The following RANGAP1 variants were observed in gnomAD, a reference collection of about 807,000 sequenced individuals.
RANGAP1 encodes ran GTPase-activating protein 1.
In RANGAP1, 38 loss-of-function variants were observed where a neutral mutation model predicts 63.5. The ratio of observed to expected loss-of-function variants is 0.60; its 90% CI spans 0.46 to 0.78. The LOEUF (loss-of-function observed/expected upper bound fraction) is 0.78, where lower values mean the gene tolerates loss of function less well. Among genes scored for constraint, RANGAP1 ranks in the 30% least tolerant of loss-of-function variants. The probability of loss-of-function intolerance (pLI) is 0.00; values close to 1 mark genes in which losing one functional copy is unlikely to be tolerated. For missense variants in RANGAP1, 630 were observed against 740.3 expected (o/e 0.85, Z 1.73); for synonymous variants, 329 against 310.5 (o/e 1.06, Z -0.63).
chr22:41,269,977 G>T (rs1458386679), intron 3 of RANGAP1, among the ~76,000 whole-genome samples: 1 of 152,012 alleles, frequency 6.6e-6, no homozygotes, highest in Non-Finnish European at 1.5e-5. Context: ...GGGATTACAG[G>T]TGCCCGCTAC....
At chr22:41,263,926 G>A (rs983692584) in intron 5 of RANGAP1, among the ~76,000 whole-genome samples, 1 of 152,258 alleles carries the variant, frequency 6.6e-6, no homozygotes, top group South Asian at 2.1e-4. Flanking sequence ...GAGTCATGTG[G>A]AAAAACTGGG....
chr22:41,294,464 C>A, the RANGAP1 span, among the ~76,000 whole-genome samples: 2 of 151,414 alleles, frequency 1.3e-5, no homozygotes, highest in East Asian at 1.9e-4. Flanking sequence ...AGCCTCTGCC[C>A]GGCCGCCACC....
intron 15 of RANGAP1, 64 bp downstream of exon 15, chr22:41,249,266 C>A: frequency 6.6e-7 from 1 of 1,525,760 alleles, no homozygotes; most frequent in Non-Finnish European, 8.8e-7. Context: ...AACCGGGCGC[C>A]TTCAGACCTG....
chr22:41,258,126 A>T lies in RANGAP1; in HGVS notation c.616-20T>A. ...GATGACCTGTGAAGAGGAGGCAGAG[A>T]GTGGAGGGGGCCCCGAGTGCCAGGT... On this transcript the variant is annotated intron_variant, in intron 6 of 15. Coordinates refer to ENST00000356244, the MANE Select transcript of RANGAP1 (RefSeq NM_002883.4). 1.3e-6 allele frequency: 2 copies of T among 1,577,174 alleles called. No individual in the cohort carries two copies. Among genetic ancestry groups the T allele is most frequent in the Non-Finnish European group, 1.7e-6 (2 of 1,157,590 alleles).
chr22:41,285,576 G>A, intron 1 of RANGAP1: 1 of 985,440 alleles, frequency 1.0e-6, no homozygotes, highest in Non-Finnish European at 1.2e-6. Context: ...CCAGCCCGGG[G>A]CCCCCGCGGG....
intron 1 of RANGAP1, 93 bp from the exon 2 acceptor site, chr22:41,281,175 C>T: frequency 1.5e-6 from 2 of 1,296,242 alleles, no homozygotes; most frequent in South Asian, 1.5e-5. Context: ...GGAGTCTGAC[C>T]CTACCTCCCC....
At chr22:41,295,238 C>T in the RANGAP1 span, among the ~76,000 whole-genome samples, 2 of 151,240 alleles carry the variant, frequency 1.3e-5, no homozygotes, top group African/African-American at 2.4e-5. Context: ...ATGACAATGG[C>T]GGCTTTGTGG....
intron 4 of RANGAP1, among the ~76,000 whole-genome samples, chr22:41,265,081 G>T (rs2034390419): frequency 6.6e-6 from 1 of 152,254 alleles, no homozygotes. Flanking sequence ...GTAAGAGGTG[G>T]CATTTGGACT....
upstream of RANGAP1, among the ~76,000 whole-genome samples, chr22:41,287,883 G>C (rs1476303489): frequency 6.6e-6 from 1 of 152,062 alleles, no homozygotes; most frequent in African/African-American, 2.4e-5. Context: ...CTACTCGGGA[G>C]GCTGAGGCAG....
At position 41,274,675 on chromosome 22, in the gene RANGAP1, A is replaced by G. The variant is rs1221036891; in HGVS notation, c.165T>C (p.Arg55=). 1.1e-5 allele frequency: 17 copies of G among 1,614,086 alleles called. No homozygotes were observed. Among genetic ancestry groups the G allele is most frequent in the Non-Finnish European group, 1.4e-5 (17 of 1,180,042 alleles). The part of the protein sequence containing the change: ...IEDFDSLEAL[R]LEGNTVGVEA... ...CCACGCCCACTGTGTTGCCTTCCAG[A>G]CGCAGAGCCTCCAAGCTGTCAAAGT... Residue 55 remains arginine, a synonymous_variant, in exon 3 of 16, where the codon CGT becomes CGC. Transcript: ENST00000356244.
chr22:41,256,900 C>G, intron 7 of RANGAP1, 76 bp from the exon 8 acceptor site: 3 of 1,113,998 alleles, frequency 2.7e-6, no homozygotes, highest in Non-Finnish European at 1.3e-6. Flanking sequence ...GGGGGCCCCA[C>G]ACGGTCACAT....
At position 41,274,682 on chromosome 22, in the gene RANGAP1, G is replaced by C; in HGVS notation, c.158C>G (p.Ala53Gly). 2 of 1,614,172 alleles carry C rather than the reference G, an allele frequency of 1.2e-6. No individual in the cohort carries two copies. The highest frequency in any genetic ancestry group is 3.3e-5 in the Admixed American group (2 of 60,026). The change falls in exon 3 of 16, where the codon GCT becomes GGT. Residue 53 changes from alanine (A) to glycine (G), a missense_variant. This residue lies in a region of RANGAP1 where 65 missense variants were observed against 60.5 expected (regional missense o/e 1.07). Transcript: ENST00000356244. ...KEIEDFDSLE[A>G]LRLEGNTVGV... ...CACTGTGTTGCCTTCCAGACGCAGAGCCTCCAAGCTGTCAAAGTCTTCAAT... is the reference window on the plus strand; with the variant it reads ...CACTGTGTTGCCTTCCAGACGCAGACCCTCCAAGCTGTCAAAGTCTTCAAT...
chr22:41,296,662 A>AAC, the RANGAP1 span, among the ~76,000 whole-genome samples: 4 of 151,936 alleles, frequency 2.6e-5, no homozygotes, highest in African/African-American at 7.3e-5. Context: ...AAAAAAAAAA[A>AAC]ACACACACAC....
chr22:41,264,331 T>C (rs1290844193), intron 5 of RANGAP1, among the ~76,000 whole-genome samples: 1 of 152,230 alleles, frequency 6.6e-6, no homozygotes, highest in African/African-American at 2.4e-5. Flanking sequence ...TCCCTCTGCC[T>C]ATGTGCCAGG....
At chr22:41,264,981 G>T in intron 4 of RANGAP1, 138 bp from the exon 5 acceptor site, 1 of 828,476 alleles carries the variant, frequency 1.2e-6, no homozygotes, top group Non-Finnish European at 1.8e-6. Context: ...AACCATTTCA[G>T]TATTCTTAAG....
chr22:41,265,551 G>T (rs2034418819), intron 4 of RANGAP1, among the ~76,000 whole-genome samples: 1 of 152,130 alleles, frequency 6.6e-6, no homozygotes, highest in African/African-American at 2.4e-5. Context: ...GAGGGAGGGA[G>T]GAACCACAAA....
intron 3 of RANGAP1, among the ~76,000 whole-genome samples, chr22:41,272,344 C>T (rs962989439): frequency 4.6e-5 from 7 of 152,276 alleles, no homozygotes; most frequent in Admixed American, 4.6e-4. Context: ...TTAACTTGAC[C>T]ATGACCTTCC....
At chr22:41,289,170 C>T (rs1277932691), upstream of RANGAP1, among the ~76,000 whole-genome samples, 10 of 151,842 alleles carry the variant, frequency 6.6e-5, no homozygotes, top group Admixed American at 1.3e-4. Context: ...CCACTTACCT[C>T]GGCCTCCCAA....
chr22:41,294,514 T>TCA, the RANGAP1 span, among the ~76,000 whole-genome samples: 26 of 142,084 alleles, frequency 1.8e-4, no homozygotes, highest in African/African-American at 6.6e-4. Flanking sequence ...TGGCCGCCCA[T>TCA]CGTCTGGGAT....
Sources: gnomAD v4.1 joint callset for allele counts (sites outside exome capture counted in the v4.1 genomes callset) on GRCh38, gnomAD v4.1.1 for gene constraint, gnomAD v4.1.1 regional missense constraint, MANE v1.5 for transcripts, NCBI Gene and HGNC (gene_info 2026-07-23, HGNC 2026-07-21) for gene names.